ITPR1: variants seen among roughly 807,000 people sequenced by gnomAD.
ITPR1 encodes inositol 1,4,5-trisphosphate receptor type 1.
ITPR1 carries 96 observed loss-of-function variants against 318.4 expected under a neutral mutation model. That is an observed-to-expected ratio of 0.30 (90% CI 0.26 to 0.36). The LOEUF (loss-of-function observed/expected upper bound fraction) is 0.36, where lower values mean the gene tolerates loss of function less well. ITPR1 is among the 10% of genes least tolerant of loss of function. The probability of loss-of-function intolerance (pLI) is 1.00; values close to 1 mark genes in which losing one functional copy is unlikely to be tolerated. For synonymous variants in ITPR1, 1,312 were observed against 1,289.9 expected, an observed-to-expected ratio of 1.02 and a Z score of -0.37; for missense variants, 2,440 against 3,460.2, an observed-to-expected ratio of 0.71 and a Z score of 7.40.
intron 39 of ITPR1, among the ~76,000 whole-genome samples, chr3:4,712,283 A>C (rs1301434760): frequency 6.6e-6 from 1 of 152,218 alleles, no homozygotes; most frequent in Non-Finnish European, 1.5e-5. Context: ...TCAGTGCATC[A>C]AGAAACGCCC....
chr3:4,644,973 T>G (rs1017419146), intron 8 of ITPR1, among the ~76,000 whole-genome samples: 1 of 152,254 alleles, frequency 6.6e-6, no homozygotes, highest in African/African-American at 2.4e-5. Context: ...CAATGGCTGC[T>G]GTTGTTAACA....
chr3:4,763,169 G>A (rs1002438773), intron 44 of ITPR1, among the ~76,000 whole-genome samples: 2 of 152,172 alleles, frequency 1.3e-5, no homozygotes, highest in African/African-American at 4.8e-5. Context: ...CATGGACACA[G>A]GGAGGGGAAC....
intron 4 of ITPR1, among the ~76,000 whole-genome samples, chr3:4,560,493 A>G (rs558365301): frequency 1.1e-4 from 17 of 152,320 alleles, no homozygotes; most frequent in South Asian, 4.1e-4. Flanking sequence ...ATTGAATAGT[A>G]TCTGTTTTTT....
chr3:4,661,795 ATCT>A (rs1189091779), intron 14 of ITPR1, among the ~76,000 whole-genome samples: 3 of 152,226 alleles, frequency 2.0e-5, no homozygotes, highest in African/African-American at 2.4e-5. Context: ...ATTTACAAAC[ATCT>A]TCTTTAGTTA....
intron 44 of ITPR1, among the ~76,000 whole-genome samples, chr3:4,746,099 A>G (rs1452901349): frequency 6.6e-6 from 1 of 152,108 alleles, no homozygotes; most frequent in Non-Finnish European, 1.5e-5. Flanking sequence ...CATATTCTTG[A>G]CCACCAGGCT....
At chr3:4,551,722 C>T (rs2085587107) in intron 4 of ITPR1, among the ~76,000 whole-genome samples, 1 of 152,190 alleles carries the variant, frequency 6.6e-6, no homozygotes, top group African/African-American at 2.4e-5. Flanking sequence ...GTATATAGTA[C>T]TTTTAACAGT....
At chr3:4,827,650 T>A (rs963250248) in intron 60 of ITPR1, among the ~76,000 whole-genome samples, 2 of 152,136 alleles carry the variant, frequency 1.3e-5, no homozygotes, top group African/African-American at 4.8e-5. Flanking sequence ...AATCAAAGGG[T>A]CTCTTGTGCC....
chr3:4,514,191 G>A (rs2082029245), intron 2 of ITPR1, among the ~76,000 whole-genome samples: 1 of 152,028 alleles, frequency 6.6e-6, no homozygotes, highest in South Asian at 2.1e-4. Flanking sequence ...TTACACCTCA[G>A]TGTCTTCAAC....
At chr3:4,840,284 T>C (rs2051247670) in intron 61 of ITPR1, among the ~76,000 whole-genome samples, 2 of 152,260 alleles carry the variant, frequency 1.3e-5, no homozygotes, top group South Asian at 2.1e-4. Flanking sequence ...TAAATAGTAA[T>C]TGTGAGAATT....
Position 4,642,096 on chromosome 3 carries a change from C to T in ITPR1, c.370C>T (p.Leu124=). Residue 124 remains leucine, a synonymous_variant, in exon 7 of 62, where the codon CTG becomes TTG. Coordinates refer to ENST00000649015, the MANE Select transcript of ITPR1 (RefSeq NM_001378452.1). ...TATTCTCTTGGTGGGTTTTTAGCTC[C>T]TGCATTTGAAAAGTAATAAATACCT... ...VIQYGNVIQL[L]HLKSNKYLTV... is the part of the protein sequence containing the mutation. 6.3e-7 allele frequency: 1 copy of T among 1,580,178 alleles called. No individual in the cohort carries two copies. Among genetic ancestry groups the T allele is most frequent in the South Asian group, 1.2e-5 (1 of 85,524 alleles).
intron 55 of ITPR1, among the ~76,000 whole-genome samples, chr3:4,807,751 T>C (rs1415431395): frequency 1.3e-5 from 2 of 152,222 alleles, no homozygotes; most frequent in Non-Finnish European, 2.9e-5. Context: ...AGGATATCCT[T>C]GTGATTCCCA....
chr3:4,569,480 A>G (rs1238431114), intron 4 of ITPR1, among the ~76,000 whole-genome samples: 4 of 152,212 alleles, frequency 2.6e-5, no homozygotes, highest in Non-Finnish European at 5.9e-5. Flanking sequence ...GCGTCAACAA[A>G]CAAAACATTG....
chr3:4,693,930 A>G (rs2094517886), intron 33 of ITPR1, among the ~76,000 whole-genome samples, 189 bp downstream of exon 33: 1 of 152,338 alleles, frequency 6.6e-6, no homozygotes, highest in African/African-American at 2.4e-5. Context: ...TGAAAGGAAC[A>G]CGGAAGAAGT....
chr3:4,789,907 T>C (rs1419254443), intron 52 of ITPR1, among the ~76,000 whole-genome samples: 2 of 152,200 alleles, frequency 1.3e-5, no homozygotes, highest in African/African-American at 4.8e-5. Flanking sequence ...CATGAGCCAC[T>C]GCGCCCAGCC....
At chr3:4,524,663 T>G (rs968767359) in intron 4 of ITPR1, among the ~76,000 whole-genome samples, 2 of 152,244 alleles carry the variant, frequency 1.3e-5, no homozygotes, top group African/African-American at 4.8e-5. Context: ...TAACCTGTTC[T>G]TAAGTAAATG....
chr3:4,621,377 C>T (rs971013800), intron 4 of ITPR1, among the ~76,000 whole-genome samples: 2 of 152,142 alleles, frequency 1.3e-5, no homozygotes, highest in African/African-American at 2.4e-5. Context: ...ATCTTGCGAG[C>T]ACTCACTCAG....
At chr3:4,824,107 C>A (rs999027485) in intron 60 of ITPR1, among the ~76,000 whole-genome samples, 2 of 152,154 alleles carry the variant, frequency 1.3e-5, no homozygotes, top group Non-Finnish European at 2.9e-5. Context: ...CGTCGACTAA[C>A]GTGGACAGTG....
intron 5 of ITPR1, among the ~76,000 whole-genome samples, chr3:4,631,561 T>A (rs2093016126): frequency 6.6e-6 from 1 of 152,188 alleles, no homozygotes; most frequent in Non-Finnish European, 1.5e-5. Flanking sequence ...GATTTTGGTC[T>A]TTTTTGACCT....
intron 44 of ITPR1, among the ~76,000 whole-genome samples, chr3:4,744,034 A>G (rs6772438): frequency 0.021 from 3,247 of 152,004 alleles, 132 homozygotes; most frequent in African/African-American, 0.075. Flanking sequence ...CGGGGTTTCT[A>G]CATGTTGGCC....
Sources: allele counts gnomAD v4.1 joint callset (sites outside exome capture counted in the v4.1 genomes callset), GRCh38; gene constraint gnomAD v4.1.1; transcripts MANE v1.5; gene names NCBI Gene and HGNC (gene_info 2026-07-23, HGNC 2026-07-21).